PTPRD: variants seen among roughly 807,000 people sequenced by gnomAD.
PTPRD encodes protein tyrosine phosphatase receptor type D.
In PTPRD, 34 loss-of-function variants were observed where a neutral mutation model predicts 214.5. That is an observed-to-expected ratio of 0.16 (90% CI 0.12 to 0.21). The LOEUF is 0.21. Among genes scored for constraint, PTPRD ranks in the 10% least tolerant of loss-of-function variants. The pLI, the probability that PTPRD is intolerant of heterozygous loss-of-function variation, is 1.00. For synonymous variants in PTPRD, 1,128 were observed against 845.7 expected (o/e 1.33, Z -5.79); for missense variants, 2,545 against 2,398.7 (o/e 1.06, Z -1.27).
In PTPRD at chr9:8,484,292, T is replaced by C. The variant is rs2096951095; in HGVS notation, c.3240A>G (p.Ser1080=). 9.9e-6 allele frequency: 16 copies of C among 1,614,016 alleles called. No homozygotes were observed. Among genetic ancestry groups the C allele is most frequent in the African/African-American group, 1.3e-5 (1 of 74,914 alleles). The change falls in exon 30 of 46, where the codon TCA becomes TCG. Residue 1080 remains serine, a synonymous_variant. Coordinates refer to ENST00000381196, the MANE Select transcript of PTPRD (RefSeq NM_002839.4). ...KLIVNLKPEK[S]YSFVLTNRGN... is the part of the protein sequence containing the mutation. ...CACGATTTGTCAGCACAAATGAATA[T>C]GATTTCTCAGGCTTCAGGTTGACAA...
chr9:10,148,164 A>C (rs1316828373), intron 3 of PTPRD, among the ~76,000 whole-genome samples: 1 of 152,162 alleles, frequency 6.6e-6, no homozygotes, highest in Non-Finnish European at 1.5e-5. Context: ...AAGCCAAAGA[A>C]ATCGGTGGAG....
chr9:8,316,664 G>GT lies in PTPRD; in HGVS notation c.*1209dup, dbSNP rs2130292328. 4.3e-6 allele frequency: 1 copy of GT among 230,642 alleles called. No individual in the cohort carries two copies. Among genetic ancestry groups the GT allele is most frequent in the Admixed American group, 5.7e-5 (1 of 17,634 alleles). 14.3% of individuals were successfully genotyped at this position (230,642 alleles called of 1,614,324 possible). On this transcript the variant is annotated 3_prime_UTR_variant, in exon 46 of 46. Coordinates refer to ENST00000381196, the MANE Select transcript of PTPRD (RefSeq NM_002839.4). ...TAGAGTGTTAGAAATATTGAACTTT[G>GT]TTGGAAGCCTGACTAACAAACAAAC...
At chr9:8,497,055 C>T (rs987149621) in intron 26 of PTPRD, among the ~76,000 whole-genome samples, 187 bp downstream of exon 26, 2 of 152,118 alleles carry the variant, frequency 1.3e-5, no homozygotes, top group African/African-American at 4.8e-5. Context: ...GTCAATAGCA[C>T]CATGCTGATT....
intron 11 of PTPRD, among the ~76,000 whole-genome samples, chr9:8,797,724 T>C (rs1203474413): frequency 1.3e-5 from 2 of 152,218 alleles, no homozygotes; most frequent in Admixed American, 6.5e-5. Context: ...CACTATGCTT[T>C]GTATTAAAGA....
chr9:9,883,159 G>A (rs1394743410), intron 5 of PTPRD, among the ~76,000 whole-genome samples: 1 of 151,926 alleles, frequency 6.6e-6, no homozygotes, highest in Non-Finnish European at 1.5e-5. Flanking sequence ...AACCCCCCAA[G>A]AGGCGAACTC....
intron 39 of PTPRD, among the ~76,000 whole-genome samples, chr9:8,364,782 G>C (rs902114773): frequency 7.9e-5 from 12 of 152,206 alleles, no homozygotes; most frequent in African/African-American, 2.7e-4. Context: ...TTGGTACCCA[G>C]TGCATTCAGG....
chr9:9,457,461 C>T (rs1281989172), intron 8 of PTPRD, among the ~76,000 whole-genome samples: 2 of 151,810 alleles, frequency 1.3e-5, no homozygotes, highest in Non-Finnish European at 2.9e-5. Context: ...TTCTATATTT[C>T]AGTGATTGGG....
chr9:9,929,331 T>C lies in PTPRD; in HGVS notation c.-368+9176A>G, dbSNP rs1326456925. ...GTCAACCTGGGCAGCCCTTCCTCTA[T>C]ACCCCTTGCTATCAAGGAGTATTTT... On this transcript the variant is annotated intron_variant, in intron 5 of 45. Transcript: ENST00000381196. 2.0e-5 allele frequency among the ~76,000 whole-genome samples: 3 copies of C among 152,192 alleles called. No individual in the cohort carries two copies. In the South Asian group the frequency reaches 6.2e-4, roughly 31 times the overall value.
At chr9:10,015,598 T>G (rs554111808) in intron 4 of PTPRD, among the ~76,000 whole-genome samples, 1 of 152,114 alleles carries the variant, frequency 6.6e-6, no homozygotes, top group African/African-American at 2.4e-5. Flanking sequence ...AACTTTAAAA[T>G]GGGGATCACT....
chr9:9,313,450 G>C (rs111790414), intron 9 of PTPRD, among the ~76,000 whole-genome samples: 4 of 152,216 alleles, frequency 2.6e-5, no homozygotes, highest in African/African-American at 9.6e-5. Context: ...GTCAGATACA[G>C]AACAAGAAAC....
chr9:10,550,604 A>G (rs975461871), intron 2 of PTPRD, among the ~76,000 whole-genome samples: 13 of 152,148 alleles, frequency 8.5e-5, no homozygotes, highest in African/African-American at 3.1e-4. Context: ...GACTCATTTC[A>G]CCCATTGGTT....
intron 11 of PTPRD, among the ~76,000 whole-genome samples, chr9:8,992,716 G>A (rs910789082): frequency 6.6e-6 from 1 of 152,084 alleles, no homozygotes; most frequent in Admixed American, 6.6e-5. Flanking sequence ...ACTGGATTTA[G>A]GATTTTCTAC....
intron 3 of PTPRD, among the ~76,000 whole-genome samples, chr9:10,253,749 T>C (rs1399238878): frequency 6.6e-6 from 1 of 152,188 alleles, no homozygotes; most frequent in African/African-American, 2.4e-5. Flanking sequence ...AAAAAATGAT[T>C]TTTTAAAATA....
At chr9:10,386,223 C>T (rs2097912022) in intron 2 of PTPRD, among the ~76,000 whole-genome samples, 2 of 151,782 alleles carry the variant, frequency 1.3e-5, no homozygotes, top group African/African-American at 4.8e-5. Flanking sequence ...GGAAGAACCA[C>T]CAACACACAC....
chr9:9,306,785 G>A (rs935939144), intron 9 of PTPRD, among the ~76,000 whole-genome samples: 1 of 152,008 alleles, frequency 6.6e-6, no homozygotes, highest in African/African-American at 2.4e-5. Context: ...AACTTTGTTA[G>A]CATTGAGAGT....
At chr9:8,769,256 T>C (rs1318919719) in intron 11 of PTPRD, among the ~76,000 whole-genome samples, 1 of 152,236 alleles carries the variant, frequency 6.6e-6, no homozygotes, top group African/African-American at 2.4e-5. Context: ...GGAATTTCTT[T>C]ATTTACTCAC....
At chr9:10,498,161 T>TGAGTAGC (rs905361165) in intron 2 of PTPRD, among the ~76,000 whole-genome samples, 9 of 151,932 alleles carry the variant, frequency 5.9e-5, no homozygotes, top group African/African-American at 2.2e-4. Context: ...CTGTTTGTAA[T>TGAGTAGC]GAGTAGCAAG....
chr9:8,485,668 G>A, intron 28 of PTPRD, 94 bp downstream of exon 28: 1 of 1,110,762 alleles, frequency 9.0e-7, no homozygotes, highest in Non-Finnish European at 1.3e-6. Flanking sequence ...CTATTAATAT[G>A]AATGGGCTGA....
intron 2 of PTPRD, among the ~76,000 whole-genome samples, chr9:10,509,651 C>T (rs1265010243): frequency 6.8e-6 from 1 of 147,820 alleles, no homozygotes; most frequent in Non-Finnish European, 1.5e-5. Flanking sequence ...AATGCCCTCA[C>T]TCACCTTGCA....
Sources: gnomAD v4.1 joint callset for allele counts (sites outside exome capture counted in the v4.1 genomes callset) on GRCh38, gnomAD v4.1.1 for gene constraint, MANE v1.5 for transcripts, NCBI Gene and HGNC (gene_info 2026-07-23, HGNC 2026-07-21) for gene names.